The following GRM7 variants were observed in gnomAD, a reference collection of about 807,000 sequenced individuals.
The protein encoded by GRM7 is glutamate metabotropic receptor 7.
A neutral mutation model predicts 84.5 loss-of-function variants in GRM7; 35 were observed. That is an observed-to-expected ratio of 0.41 (90% CI 0.32 to 0.55). GRM7 has a LOEUF of 0.55. GRM7 is among the 20% of genes least tolerant of loss of function. GRM7 has a pLI of 0.19. For missense variants in GRM7, 1,003 were observed against 1,194.6 expected (o/e 0.84, Z 2.36); for synonymous variants, 487 against 455.1 (o/e 1.07, Z -0.89).
intron 1 of GRM7, among the ~76,000 whole-genome samples, chr3:7,002,825 A>G (rs1575118560): frequency 6.6e-6 from 1 of 152,232 alleles, no homozygotes; most frequent in South Asian, 2.1e-4. Context: ...TAGCCAAGGT[A>G]TAGAATTAAC....
intron 5 of GRM7, among the ~76,000 whole-genome samples, chr3:7,440,503 T>C (rs1199685102): frequency 6.6e-6 from 1 of 152,208 alleles, no homozygotes; most frequent in Non-Finnish European, 1.5e-5. Context: ...CATGGCTTTT[T>C]AATTTTAATT....
At chr3:7,381,251 A>G (rs1463714540) in intron 4 of GRM7, among the ~76,000 whole-genome samples, 2 of 152,032 alleles carry the variant, frequency 1.3e-5, no homozygotes, top group African/African-American at 4.8e-5. Flanking sequence ...TGGGGCTCTG[A>G]AGGCATGCAA....
intron 8 of GRM7, among the ~76,000 whole-genome samples, chr3:7,592,153 T>C (rs1465610063): frequency 6.6e-6 from 1 of 152,018 alleles, no homozygotes; most frequent in Non-Finnish European, 1.5e-5. Flanking sequence ...AGAAGAGGCA[T>C]GAGCAAGCAA....
chr3:6,902,299 C>A (rs1696416517), intron 1 of GRM7, among the ~76,000 whole-genome samples: 1 of 152,020 alleles, frequency 6.6e-6, no homozygotes, highest in Admixed American at 6.6e-5. Context: ...TGACAGCTAT[C>A]CAAATTGCAA....
rs1165137766 is a variant in GRM7, at chr3:6,928,985, CA to C, written c.519+67081del. Among the ~76,000 whole-genome samples the C allele has an allele frequency of 6.6e-6, 1 of 152,080 alleles. No individual in the cohort carries two copies. The highest frequency in any genetic ancestry group is 1.5e-5 in the Non-Finnish European group (1 of 68,010). The stretch of plus-strand genomic sequence containing the variant: ...TCTTGCACCACTTGGCTTCTGTAAG[CA>C]AATGAGAGAGCTGAACATTCCACCC... On this transcript the variant is annotated intron_variant, in intron 1 of 9. Transcript: ENST00000357716. This position sits in a 1 kb window ranked among gnomAD's most constrained non-coding sequence, Gnocchi z 4.5.
intron 4 of GRM7, among the ~76,000 whole-genome samples, chr3:7,323,557 T>A (rs13090234): frequency 0.42 from 63,949 of 151,980 alleles, 13,514 homozygotes; most frequent in Middle Eastern, 0.5. Context: ...TTCTGCCAAA[T>A]GGCCACAATG....
Position 6,862,170 on chromosome 3 carries a change from C to T in GRM7, c.519+263C>T, listed in dbSNP as rs1694776915. 6.6e-6 allele frequency among the ~76,000 whole-genome samples: 1 copy of T among 151,896 alleles called. No individual in the cohort carries two copies. The highest frequency in any genetic ancestry group is 1.5e-5 in the Non-Finnish European group (1 of 67,998). On this transcript the variant is annotated intron_variant, in intron 1 of 9. Coordinates refer to ENST00000357716, the MANE Select transcript of GRM7 (RefSeq NM_000844.4). The surrounding 1 kb of genome is among the most constrained non-coding windows in gnomAD (Gnocchi z 5.2). The stretch of plus-strand genomic sequence containing the variant: ...GGCCCCATTTACAAGAAGCAATCTG[C>T]GAAAAACAAGGCGATGATTTAAATG...
intron 7 of GRM7, among the ~76,000 whole-genome samples, chr3:7,515,014 G>A: frequency 6.6e-6 from 1 of 151,772 alleles, no homozygotes; most frequent in East Asian, 1.9e-4. Flanking sequence ...TTGGTTCTGT[G>A]TGACCTTAGG....
intron 4 of GRM7, among the ~76,000 whole-genome samples, chr3:7,322,964 G>C (rs142222720): frequency 4.6e-5 from 7 of 152,038 alleles, no homozygotes; most frequent in Non-Finnish European, 1.0e-4. Flanking sequence ...TCGAACTCAG[G>C]GATTCTGGGG....
At chr3:7,668,997 CAG>C (rs1699816602) in intron 8 of GRM7, among the ~76,000 whole-genome samples, 1 of 152,206 alleles carries the variant, frequency 6.6e-6, no homozygotes, top group Non-Finnish European at 1.5e-5. Flanking sequence ...TATTCAAACT[CAG>C]ACTTACAGGA....
intron 9 of GRM7, among the ~76,000 whole-genome samples, chr3:7,716,820 G>C (rs1041557641): frequency 3.3e-5 from 5 of 152,194 alleles, no homozygotes; most frequent in African/African-American, 9.6e-5. Flanking sequence ...TGATTAAGTA[G>C]TGAGCAAGGG....
At chr3:7,029,301 C>CAAAAAAAAAAAAAAAAAAAAAAA (rs57622634) in intron 1 of GRM7, among the ~76,000 whole-genome samples, 3 of 55,208 alleles carry the variant, frequency 5.4e-5, no homozygotes, top group African/African-American at 1.3e-4. Flanking sequence ...GACTCTGCCT[C>CAAAAAAAAAAAAAAAAAAAAAAA]AAAAAAAAAA....
chr3:7,335,062 A>G lies in GRM7; in HGVS notation c.1033+28410A>G, dbSNP rs1313104157. ...TTAAGCTATACACTAGAATGAATGG[A>G]CTTAACAGATATTTACAGAACATTC... On this transcript the variant is annotated intron_variant, in intron 4 of 9. Transcript: ENST00000357716. Among the ~76,000 whole-genome samples, 3 of 152,174 alleles carry G rather than the reference A, an allele frequency of 2.0e-5. No individual in the cohort carries two copies. In the East Asian group the frequency reaches 5.8e-4, roughly 29 times the overall value.
At chr3:7,174,507 C>T (rs921093116) in intron 2 of GRM7, among the ~76,000 whole-genome samples, 1 of 152,176 alleles carries the variant, frequency 6.6e-6, no homozygotes, top group Non-Finnish European at 1.5e-5. Context: ...TTATCTAGGG[C>T]AGTCCTTTTT....
intron 7 of GRM7, among the ~76,000 whole-genome samples, chr3:7,570,796 C>T (rs1280802346): frequency 2.0e-5 from 3 of 152,244 alleles, no homozygotes; most frequent in African/African-American, 4.8e-5. Flanking sequence ...CCCTTCCGCA[C>T]TGCTCTAGCA....
At chr3:7,336,762 GA>G (rs2125072963) in intron 4 of GRM7, among the ~76,000 whole-genome samples, 1 of 151,602 alleles carries the variant, frequency 6.6e-6, no homozygotes, top group East Asian at 1.9e-4. Flanking sequence ...ACCAAGCTGA[GA>G]ATGAAATGAA....
chr3:7,240,705 C>T (rs1044847010), intron 2 of GRM7, among the ~76,000 whole-genome samples: 17 of 152,222 alleles, frequency 1.1e-4, no homozygotes, highest in Admixed American at 8.5e-4. Context: ...CTTCCCTCCC[C>T]CTCTTCCACA....
chr3:7,010,408 C>T (rs1187467807), intron 1 of GRM7, among the ~76,000 whole-genome samples: 3 of 152,192 alleles, frequency 2.0e-5, no homozygotes. Context: ...GAACCAACAT[C>T]ACACTACTGC....
chr3:7,642,230 G>T, intron 8 of GRM7, among the ~76,000 whole-genome samples: 1 of 152,008 alleles, frequency 6.6e-6, no homozygotes, highest in East Asian at 1.9e-4. Flanking sequence ...AACATACCTT[G>T]TCCTGGGACT....
Sources: allele counts gnomAD v4.1 joint callset (sites outside exome capture counted in the v4.1 genomes callset), GRCh38; gene constraint gnomAD v4.1.1; non-coding constraint Gnocchi (gnomAD v3.1); transcripts MANE v1.5; gene names NCBI Gene and HGNC (gene_info 2026-07-23, HGNC 2026-07-21).